The following NCOR1 variants were observed in gnomAD, a reference collection of about 807,000 sequenced individuals.
NCOR1 encodes protein phosphatase 1, regulatory subunit 109.
Under a neutral mutation model 288.1 loss-of-function variants are expected in NCOR1, and 63 were observed. That is an observed-to-expected ratio of 0.22 (90% confidence interval 0.18 to 0.27). The LOEUF is 0.27. Ranked by LOEUF, NCOR1 falls within the 10% of genes least tolerant of loss-of-function variation. The pLI, the probability that NCOR1 is intolerant of heterozygous loss-of-function variation, is 1.00. For missense variants in NCOR1, 2,397 were observed against 3,019.2 expected (o/e 0.79, Z 4.83); for synonymous variants, 1,007 against 1,065.9 (o/e 0.94, Z 1.08).
rs1273104563 is a variant in NCOR1 at position 16,092,682 on chromosome 17, TATATATATATA to T, written c.2821-635_2821-625del. On this transcript the variant is annotated intron_variant, in intron 21 of 45. Coordinates refer to ENST00000268712, the MANE Select transcript of NCOR1 (RefSeq NM_006311.4). Reference sequence around the variant, plus strand: ...ATATATATATATATATATATATATATATATATATATATATTTTTTTTTTTTTTTTTTTTTAA... The same window carrying T: ...ATATATATATATATATATATATATATTATTTTTTTTTTTTTTTTTTTTTAA... Among the ~76,000 whole-genome samples, 101 of 20,988 alleles carry T rather than the reference TATATATATATA, an allele frequency of 4.8e-3. 6 individuals are homozygous for T. The highest frequency in any genetic ancestry group is 9.6e-3 in the East Asian group (3 of 312). The allele number at this position is 20,988 out of a possible 152,430, so 13.8% of individuals were successfully genotyped here.
chr17:16,086,493 C>T, intron 22 of NCOR1, 51 bp from the exon 23 acceptor site: 3 of 1,495,602 alleles, frequency 2.0e-6, no homozygotes, highest in African/African-American at 1.4e-5. Flanking sequence ...TCCTAGTTTA[C>T]AACATGTTAC....
intron 6 of NCOR1, among the ~76,000 whole-genome samples, chr17:16,156,433 C>G (rs764259693): frequency 1.6e-5 from 2 of 127,694 alleles, no homozygotes; most frequent in Non-Finnish European, 3.2e-5. Flanking sequence ...AAAACTCTGT[C>G]TCGAAAAAAA....
intron 40 of NCOR1, among the ~76,000 whole-genome samples, chr17:16,053,947 G>T (rs1256789104): frequency 6.6e-6 from 1 of 151,122 alleles, no homozygotes; most frequent in Admixed American, 6.6e-5. Flanking sequence ...AATGAGGAAA[G>T]AATTCCCTAT....
chr17:16,098,138 A>G lies in NCOR1; in HGVS notation c.2820+229T>C, dbSNP rs187839113. 2.2e-4 allele frequency among the ~76,000 whole-genome samples: 34 copies of G among 152,348 alleles called. 1 individual carries two copies. Among genetic ancestry groups the G allele is most frequent in the Admixed American group, 2.1e-3 (32 of 15,302 alleles). ...AGAGGAGTTGTTTAATTAATTTCGC[A>G]TTCGAAAGATGAAAAGGTCCTGGGG... is the stretch of plus-strand genomic sequence containing the variant. On this transcript the variant is annotated intron_variant, in intron 21 of 45. Transcript: ENST00000268712.
intron 1 of NCOR1, among the ~76,000 whole-genome samples, chr17:16,202,223 CAAAAAAAA>C (rs35812448): frequency 4.1e-5 from 4 of 97,400 alleles, no homozygotes; most frequent in South Asian, 3.5e-4. Context: ...GACTCCATCT[CAAAAAAAA>C]AAAAAAAAAA....
intron 40 of NCOR1, among the ~76,000 whole-genome samples, chr17:16,049,551 G>A (rs1306058469): frequency 1.3e-5 from 2 of 151,872 alleles, no homozygotes; most frequent in Non-Finnish European, 2.9e-5. Context: ...AATAATATAA[G>A]ATAGACACAC....
At chr17:16,069,827 T>TA (rs1487205427) in intron 31 of NCOR1, among the ~76,000 whole-genome samples, 3 of 152,206 alleles carry the variant, frequency 2.0e-5, no homozygotes, top group Admixed American at 6.5e-5. Context: ...AGAGGCTACT[T>TA]ACAGCTTTCA....
Position 16,127,703 on chromosome 17 carries a change from A to ATG in NCOR1, c.1510-1498_1510-1497insCA, listed in dbSNP as rs1357189381. On this transcript the variant is annotated intron_variant, in intron 14 of 45. Transcript: ENST00000268712. ...TATGTGTATATATACATATATGTAT[A>ATG]TATGTGTGTGTATATATACATATAT... 1.2e-4 allele frequency among the ~76,000 whole-genome samples: 16 copies of ATG among 135,590 alleles called. 1 individual carries two copies. Among genetic ancestry groups the ATG allele is most frequent in the African/African-American group, 3.5e-4 (13 of 36,624 alleles). The allele number at this position is 135,590 out of a possible 152,430, so 89.0% of individuals were successfully genotyped here. A position where few individuals can be genotyped will look rare whatever the true frequency, so the allele number is the denominator to read the frequency against.
In NCOR1 at chr17:16,070,387, C is replaced by G. The variant is rs1415871804; in HGVS notation, c.4291G>C (p.Glu1431Gln). 6.2e-7 allele frequency: 1 copy of G among 1,614,068 alleles called. No homozygotes were observed. Among genetic ancestry groups the G allele is most frequent in the African/African-American group, 1.3e-5 (1 of 74,924 alleles). Residue 1431 changes from glutamate (E) to glutamine (Q), a missense_variant, in exon 31 of 46, where the codon GAA (glutamate) becomes CAA (glutamine). By Grantham distance (29) the Glu-to-Gln change is conservative (BLOSUM62 2). Around this residue, in one of 11 missense-constraint regions of NCOR1, gnomAD observed 1,872 missense variants for 2,187.8 expected, o/e 0.86. Coordinates refer to ENST00000268712, the MANE Select transcript of NCOR1 (RefSeq NM_006311.4). ...EIVPENIKVVERGKYEDVKAG... is the reference protein window; with the variant it reads ...EIVPENIKVVQRGKYEDVKAG... Reference sequence around the variant, plus strand: ...TTCACATCCTCATATTTTCCCCGTTCTACCACTTTTATGTTCTCTGGCACA... The same window carrying G: ...TTCACATCCTCATATTTTCCCCGTTGTACCACTTTTATGTTCTCTGGCACA...
At chr17:16,051,956 T>C (rs761115331) in intron 40 of NCOR1, among the ~76,000 whole-genome samples, 1 of 152,082 alleles carries the variant, frequency 6.6e-6, no homozygotes, top group African/African-American at 2.4e-5. Context: ...GAAGCTGAAC[T>C]GAAGGAGATT....
Position 16,031,581 on chromosome 17 carries a change from T to C in NCOR1, c.*715A>G, listed in dbSNP as rs749391513. On this transcript the variant is annotated 3_prime_UTR_variant, in exon 46 of 46. Coordinates refer to ENST00000268712, the MANE Select transcript of NCOR1 (RefSeq NM_006311.4). ...GAACTAGAACATACCCATGCAGTAA[T>C]ATTTTTTCAGTGCTACTAATGAAAA... The C allele has an allele frequency of 3.6e-5, 8 of 221,594 alleles. No homozygotes were observed. Among genetic ancestry groups the C allele is most frequent in the Non-Finnish European group, 6.3e-5 (7 of 110,926 alleles). 13.7% of individuals were successfully genotyped at this position (221,594 alleles called of 1,614,324 possible). A position where few individuals can be genotyped will look rare whatever the true frequency, so the allele number is the denominator to read the frequency against.
chr17:16,087,192 G>T, intron 22 of NCOR1: 1 of 1,304,080 alleles, frequency 7.7e-7, no homozygotes, highest in South Asian at 1.2e-5. Flanking sequence ...ACTATAGCGG[G>T]CTGCACTCAT....
Position 16,032,501 on chromosome 17 carries a change from A to G in NCOR1, c.7136-18T>C. The G allele has an allele frequency of 6.4e-7, 1 of 1,562,660 alleles. No individual in the cohort carries two copies. On this transcript the variant is annotated intron_variant, in intron 45 of 45. Coordinates refer to ENST00000268712, the MANE Select transcript of NCOR1 (RefSeq NM_006311.4). ...AGTTGAGCCTGACAAAAGAAAAATT[A>G]GGTTTTCATTGTCATGAACATAACT...
chr17:16,067,442 A>G (rs1257696486), intron 32 of NCOR1, among the ~76,000 whole-genome samples: 1 of 152,246 alleles, frequency 6.6e-6, no homozygotes, highest in Non-Finnish European at 1.5e-5. Flanking sequence ...AAGTGTCTTT[A>G]CTTGGAAGTT....
At chr17:16,118,453 C>A (rs1415973826) in intron 17 of NCOR1, among the ~76,000 whole-genome samples, 1 of 152,158 alleles carries the variant, frequency 6.6e-6, no homozygotes, top group African/African-American at 2.4e-5. Flanking sequence ...CACTTATAAT[C>A]CATATTTGTC....
At chr17:16,095,769 C>G (rs968879623) in intron 21 of NCOR1, among the ~76,000 whole-genome samples, 1 of 150,416 alleles carries the variant, frequency 6.6e-6, no homozygotes, top group Non-Finnish European at 1.5e-5. Flanking sequence ...TGCCCGGCTG[C>G]CCCTACTGGG....
chr17:16,154,444 G>A (rs1313228229), intron 6 of NCOR1, among the ~76,000 whole-genome samples: 2 of 152,162 alleles, frequency 1.3e-5, no homozygotes, highest in African/African-American at 4.8e-5. Context: ...TCCCACCACA[G>A]GAAGATGAGG....
chr17:16,194,391 T>C (rs935901219), intron 2 of NCOR1, 71 bp downstream of exon 2: 1 of 975,234 alleles, frequency 1.0e-6, no homozygotes. Context: ...CTGTCCCACA[T>C]GTGTATTAAA....
intron 3 of NCOR1, among the ~76,000 whole-genome samples, chr17:16,179,957 CAAAA>C (rs34531259): frequency 1.3e-5 from 1 of 75,616 alleles, no homozygotes; most frequent in Admixed American, 1.6e-4. Context: ...GACTCTGTCT[CAAAA>C]AAAAAAAAAA....
Sources: allele counts gnomAD v4.1 joint callset (sites outside exome capture counted in the v4.1 genomes callset), GRCh38; gene constraint gnomAD v4.1.1; regional missense constraint gnomAD v4.1.1; transcripts MANE v1.5; gene names NCBI Gene and HGNC (gene_info 2026-07-23, HGNC 2026-07-21).